Variants in FAM83D observed in about 807,000 individuals in gnomAD.
FAM83D encodes the protein protein FAM83D.
In FAM83D, 26 loss-of-function variants were observed where a neutral mutation model predicts 25.4. The ratio of observed to expected loss-of-function variants is 1.02; its 90% confidence interval spans 0.75 to 1.42. The LOEUF (loss-of-function observed/expected upper bound fraction) is 1.42, where lower values mean the gene tolerates loss of function less well. FAM83D is among the 40% of genes most tolerant of loss of function. The probability of loss-of-function intolerance (pLI) is 0.00; values close to 1 mark genes in which losing one functional copy is unlikely to be tolerated. For missense variants in FAM83D, 740 were observed against 758.1 expected (o/e 0.98, Z 0.28); for synonymous variants, 310 against 318.5 (o/e 0.97, Z 0.28).
At chr20:38,951,099 A>G (rs1171355140) in intron 3 of FAM83D, among the ~76,000 whole-genome samples, 1 of 152,216 alleles carries the variant, frequency 6.6e-6, no homozygotes, top group African/African-American at 2.4e-5. Context: ...CTGGGATTAC[A>G]GTCATGAGCC....
chr20:38,951,415 G>T, intron 3 of FAM83D, 124 bp from the exon 4 acceptor site: 2 of 1,016,728 alleles, frequency 2.0e-6, no homozygotes, highest in East Asian at 2.6e-5. Context: ...TGGTAGGTAT[G>T]ATATCACCAA....
chr20:38,928,576 A>G (rs2085646148), intron 1 of FAM83D, among the ~76,000 whole-genome samples: 1 of 152,206 alleles, frequency 6.6e-6, no homozygotes, highest in African/African-American at 2.4e-5. Context: ...AACCTGAAAA[A>G]TGTAAAGAAC....
chr20:38,927,994 G>A (rs1452447638), intron 1 of FAM83D, among the ~76,000 whole-genome samples: 1 of 152,222 alleles, frequency 6.6e-6, no homozygotes, highest in African/African-American at 2.4e-5. Context: ...TGGGTGCAAT[G>A]GAGGTCTTGT....
rs1049742933 is a variant in FAM83D at position 38,932,044 on chromosome 20, T to G, written c.483+5119T>G. ...CCTTGACTCTTGTTTCTATATACCT[T>G]TCAAAGTGTGGGCATTCTGCCACAC... On this transcript the variant is annotated intron_variant, in intron 1 of 3. Transcript: ENST00000619850. 1.6e-4 allele frequency among the ~76,000 whole-genome samples: 24 copies of G among 152,364 alleles called. 1 individual carries two copies. The highest frequency in any genetic ancestry group is 5.8e-4 in the African/African-American group (24 of 41,590).
At chr20:38,941,508 T>C (rs2145804717) in intron 1 of FAM83D, among the ~76,000 whole-genome samples, 1 of 152,262 alleles carries the variant, frequency 6.6e-6, no homozygotes, top group Admixed American at 6.5e-5. Flanking sequence ...ATCTGAGGTT[T>C]TATTTACTTG....
At chr20:38,930,232 G>C (rs927298610) in intron 1 of FAM83D, among the ~76,000 whole-genome samples, 4 of 152,186 alleles carry the variant, frequency 2.6e-5, no homozygotes, top group African/African-American at 7.2e-5. Flanking sequence ...TCCGTGTTCT[G>C]ATAGCAAAGG....
At chr20:38,946,505 C>G (rs2085729251) in intron 2 of FAM83D, among the ~76,000 whole-genome samples, 1 of 152,130 alleles carries the variant, frequency 6.6e-6, no homozygotes, top group Non-Finnish European at 1.5e-5. Flanking sequence ...GCCATGTTAT[C>G]GTCATGCATG....
intron 1 of FAM83D, among the ~76,000 whole-genome samples, chr20:38,934,698 A>C (rs8115379): frequency 0.023 from 3,490 of 152,278 alleles, 146 homozygotes; most frequent in African/African-American, 0.079. Context: ...AAAACACAGG[A>C]AAGAGTTCAG....
Position 38,926,775 on chromosome 20 carries a change from G to T in FAM83D, c.333G>T (p.Pro111=). Residue 111 remains proline (P), a synonymous_variant, in exon 1 of 4, where the codon CCG becomes CCT. Transcript: ENST00000619850. ...YFPEQSDLEP[P]LLELGWPAFY... ...CCGAGCAGTCGGACCTGGAGCCACC[G>T]CTGTTGGAGCTTGGCTGGCCCGCCT... The T allele has an allele frequency of 6.5e-7, 1 of 1,547,272 alleles. No homozygotes were observed. Among genetic ancestry groups the T allele is most frequent in the Non-Finnish European group, 8.7e-7 (1 of 1,152,648 alleles).
chr20:38,931,077 C>T (rs903532758), intron 1 of FAM83D, among the ~76,000 whole-genome samples: 1 of 152,226 alleles, frequency 6.6e-6, no homozygotes, highest in Non-Finnish European at 1.5e-5. Context: ...GCCACTGAAG[C>T]CCACACTCCT....
intron 2 of FAM83D, among the ~76,000 whole-genome samples, chr20:38,946,787 T>C (rs1433040506): frequency 6.6e-6 from 1 of 152,334 alleles, no homozygotes; most frequent in East Asian, 1.9e-4. Flanking sequence ...GAGTATTGTA[T>C]GGTATCTTAT....
rs538971083 is a variant in FAM83D, at chr20:38,942,094, A to G, written c.619A>G (p.Met207Val). ...ALLSQFLDMC[M>V]DLKVHPEQEK... ...CCTCTCTCAATTTCTGGATATGTGC[A>G]TGGATCTGAAAGTTCATCCTGAACA... The change falls in exon 2 of 4, where the codon ATG becomes GTG. Residue 207 changes from methionine (M) to valine (V), a missense_variant. Around this residue, in one of 3 missense-constraint regions of FAM83D, gnomAD observed 333 missense variants for 298.6 expected, o/e 1.12. Coordinates refer to ENST00000619850, the MANE Select transcript of FAM83D (RefSeq NM_030919.3). The G allele has an allele frequency of 1.9e-6, 3 of 1,614,212 alleles. No individual in the cohort carries two copies. The highest frequency in any genetic ancestry group is 1.7e-5 in the Admixed American group (1 of 60,026).
intron 1 of FAM83D, among the ~76,000 whole-genome samples, chr20:38,931,991 C>T (rs1185702977): frequency 2.0e-5 from 3 of 152,312 alleles, no homozygotes; most frequent in South Asian, 4.1e-4. Context: ...GTGGCTGTGC[C>T]TGGGGTTTGT....
chr20:38,941,866 T>G (rs1039278041), intron 1 of FAM83D, 93 bp from the exon 2 acceptor site: 1 of 1,257,846 alleles, frequency 8.0e-7, no homozygotes, highest in African/African-American at 1.5e-5. Flanking sequence ...AGGGATCATT[T>G]CCCAGTTCTG....
At chr20:38,950,101 A>G (rs1451138285) in intron 3 of FAM83D, among the ~76,000 whole-genome samples, 1 of 150,896 alleles carries the variant, frequency 6.6e-6, no homozygotes, top group African/African-American at 2.4e-5. Context: ...GATGATAGGC[A>G]TGAGCCACCG....
intron 2 of FAM83D, among the ~76,000 whole-genome samples, chr20:38,946,951 TTC>T (rs2085730996): frequency 6.6e-6 from 1 of 152,252 alleles, no homozygotes; most frequent in Admixed American, 6.5e-5. Context: ...TCAATTAGTT[TTC>T]TCTCTCTTAT....
chr20:38,932,114 G>A (rs751796409), intron 1 of FAM83D, among the ~76,000 whole-genome samples: 1 of 152,212 alleles, frequency 6.6e-6, no homozygotes, highest in East Asian at 1.9e-4. Context: ...GGCCATGCGC[G>A]GTGGCTCATG....
At position 38,947,950 on chromosome 20, in the gene FAM83D, C is replaced by T. The variant is rs1288911457; in HGVS notation, c.726C>T (p.His242=). 7 of 1,614,024 alleles carry T rather than the reference C, an allele frequency of 4.3e-6. No individual in the cohort carries two copies. The highest frequency in any genetic ancestry group is 1.6e-4 in the Middle Eastern group (1 of 6,084). ...GAACTAAGATTATTGGGAAGGTTCA[C>T]GAAAAGTTCACGTTGATTGATGGCA... ...RSGTKIIGKV[H]EKFTLIDGIR... Residue 242 remains histidine (H), a synonymous_variant, in exon 3 of 4, where the codon CAC becomes CAT. Coordinates refer to ENST00000619850, the MANE Select transcript of FAM83D (RefSeq NM_030919.3).
At chr20:38,929,742 A>G (rs1316481561) in intron 1 of FAM83D, among the ~76,000 whole-genome samples, 1 of 151,384 alleles carries the variant, frequency 6.6e-6, no homozygotes, top group African/African-American at 2.4e-5. Context: ...TACGCTGTGA[A>G]TGGCTACTGC....
Sources: gnomAD v4.1 joint callset for allele counts (sites outside exome capture counted in the v4.1 genomes callset) on GRCh38, gnomAD v4.1.1 for gene constraint, gnomAD v4.1.1 regional missense constraint, MANE v1.5 for transcripts, NCBI Gene and HGNC (gene_info 2026-07-23, HGNC 2026-07-21) for gene names.